The following KIAA1217 variants were observed in gnomAD, a reference collection of about 807,000 sequenced individuals.
KIAA1217 encodes sickle tail protein homolog.
Under a neutral mutation model 163.9 loss-of-function variants are expected in KIAA1217, and 88 were observed. That is an observed-to-expected ratio of 0.54 (90% CI 0.45 to 0.64). KIAA1217 has a LOEUF of 0.64. Ranked by LOEUF, KIAA1217 falls within the 30% of genes least tolerant of loss-of-function variation. The pLI, the probability that KIAA1217 is intolerant of heterozygous loss-of-function variation, is 0.00. For synonymous variants in KIAA1217, 903 were observed against 923.1 expected (o/e 0.98, Z 0.39); for missense variants, 2,372 against 2,475.0 (o/e 0.96, Z 0.88).
Position 23,749,687 on chromosome 10 carries a change from G to A in KIAA1217, c.-321+54453G>A, listed in dbSNP as rs548261192. Among the ~76,000 whole-genome samples the A allele has an allele frequency of 1.6e-4, 24 of 152,322 alleles. No homozygotes were observed. In the East Asian group the frequency reaches 4.4e-3, roughly 28 times the overall value. ...CCCGAAGTGCTGGGATTATAGGCGT[G>A]AGCCACCTCGCCCGGCATTTTGATC... On this transcript the variant is annotated intron_variant, in intron 1 of 18. Transcript: ENST00000376462.
At chr10:24,463,728 G>T (rs1411887082) in intron 5 of KIAA1217, among the ~76,000 whole-genome samples, 1 of 152,224 alleles carries the variant, frequency 6.6e-6, no homozygotes, top group Non-Finnish European at 1.5e-5. Context: ...GGCCTTGCCA[G>T]AGCATAAAAA....
intron 1 of KIAA1217, among the ~76,000 whole-genome samples, chr10:23,801,466 C>A (rs10828551): frequency 0.18 from 27,838 of 152,064 alleles, 2,689 homozygotes; most frequent in Middle Eastern, 0.27. Context: ...CCCAGAACTT[C>A]AAGTATAATC....
intron 2 of KIAA1217, among the ~76,000 whole-genome samples, chr10:24,296,958 A>G (rs1322704092): frequency 5.3e-5 from 8 of 152,200 alleles, no homozygotes; most frequent in African/African-American, 1.4e-4. Flanking sequence ...GTCGCTGTCA[A>G]AAGCTGAGTA....
intron 1 of KIAA1217, among the ~76,000 whole-genome samples, chr10:23,730,134 C>G (rs1012600783): frequency 6.6e-6 from 1 of 152,178 alleles, no homozygotes; most frequent in Non-Finnish European, 1.5e-5. Context: ...ATCTCCTGAC[C>G]TCGTGATCTG....
chr10:24,196,931 A>C (rs1184220504), intron 2 of KIAA1217, among the ~76,000 whole-genome samples: 1 of 151,992 alleles, frequency 6.6e-6, no homozygotes, highest in Non-Finnish European at 1.5e-5. Flanking sequence ...CTTTATTTAC[A>C]CTCATTTACC....
At chr10:24,232,859 T>G (rs1030920127) in intron 2 of KIAA1217, among the ~76,000 whole-genome samples, 1 of 125,904 alleles carries the variant, frequency 7.9e-6, no homozygotes, top group Non-Finnish European at 1.6e-5. Context: ...AGTGGCTCAT[T>G]AATCCCAGCA....
chr10:24,339,522 A>T (rs1209622623), intron 2 of KIAA1217, among the ~76,000 whole-genome samples: 1 of 152,240 alleles, frequency 6.6e-6, no homozygotes, highest in East Asian at 1.9e-4. Flanking sequence ...GAAGCCAGTA[A>T]GTTCAAGGGT....
intron 3 of KIAA1217, among the ~76,000 whole-genome samples, chr10:24,403,648 T>C (rs559003674): frequency 6.6e-6 from 1 of 152,198 alleles, no homozygotes; most frequent in African/African-American, 2.4e-5. Context: ...CTCTTAAAAC[T>C]CAATAGTGAA....
At chr10:24,425,945 A>G (rs1210990094) in intron 3 of KIAA1217, among the ~76,000 whole-genome samples, 1 of 152,176 alleles carries the variant, frequency 6.6e-6, no homozygotes, top group Non-Finnish European at 1.5e-5. Context: ...TGCTATTTTA[A>G]TTTTAATATT....
intron 1 of KIAA1217, among the ~76,000 whole-genome samples, chr10:23,736,238 A>C (rs1321109627): frequency 1.3e-5 from 2 of 152,080 alleles, no homozygotes; most frequent in Non-Finnish European, 2.9e-5. Context: ...TTAGGTTTTG[A>C]CCTTTTGCTC....
Position 23,995,111 on chromosome 10 carries a change from A to T in KIAA1217, c.-320-12114A>T, listed in dbSNP as rs553388114. 2.2e-4 allele frequency among the ~76,000 whole-genome samples: 34 copies of T among 152,316 alleles called. No homozygotes were observed. In the South Asian group the frequency reaches 6.2e-3, roughly 28 times the overall value. On this transcript the variant is annotated intron_variant, in intron 1 of 18. Transcript: ENST00000376462. ...TAGCAGAGAACAGATTCACACTCAGATTCATTTTTGTTTAGCACTTGCCGT... is the reference window on the plus strand; with the variant it reads ...TAGCAGAGAACAGATTCACACTCAGTTTCATTTTTGTTTAGCACTTGCCGT...
chr10:24,494,569 AGG>A lies in KIAA1217; in HGVS notation c.1751_1752del (p.Gly584AlafsTer6). The A allele has an allele frequency of 6.2e-7, 1 of 1,613,998 alleles. No individual in the cohort carries two copies. Among genetic ancestry groups the A allele is most frequent in the Non-Finnish European group, 8.5e-7 (1 of 1,179,880 alleles). On this transcript the variant is annotated frameshift_variant, in exon 7 of 21. Transcript: ENST00000376454. LOFTEE classifies it high-confidence loss of function. Reference protein sequence around the residue: ...TGLVQSALFKGPITSYSKDAS... With the variant: ...TGLVQSALFKXPITSYSKDAS... ...GCCTTGTTCAGTCTGCGCTTTTTAA[AGG>A]GCCCATTACAAGTTATAGCAAAGAT... is the stretch of plus-strand genomic sequence containing the variant.
intron 1 of KIAA1217, among the ~76,000 whole-genome samples, chr10:23,852,920 C>T (rs1403457519): frequency 6.6e-6 from 1 of 152,182 alleles, no homozygotes; most frequent in Non-Finnish European, 1.5e-5. Context: ...TGGGCTGAGA[C>T]AATGGGGTTT....
At chr10:24,521,639 C>T (rs2071302343) in intron 11 of KIAA1217, 143 bp from the exon 12 acceptor site, 15 of 958,174 alleles carry the variant, frequency 1.6e-5, no homozygotes, top group South Asian at 4.7e-5. Context: ...CCTCTGTGCT[C>T]TTAACCCACT....
intron 1 of KIAA1217, among the ~76,000 whole-genome samples, chr10:23,892,169 C>T (rs1167434546): frequency 1.3e-5 from 2 of 151,664 alleles, no homozygotes; most frequent in Non-Finnish European, 2.9e-5. Flanking sequence ...TCTTACATTT[C>T]AACAAACCAT....
At chr10:23,809,989 A>G (rs901022108) in intron 1 of KIAA1217, among the ~76,000 whole-genome samples, 17 of 152,130 alleles carry the variant, frequency 1.1e-4, no homozygotes, top group Middle Eastern at 3.4e-3. Flanking sequence ...AATAAATTAC[A>G]TGAGATATTC....
intron 1 of KIAA1217, among the ~76,000 whole-genome samples, chr10:23,908,541 T>C (rs1299301982): frequency 6.6e-6 from 1 of 152,074 alleles, no homozygotes; most frequent in Non-Finnish European, 1.5e-5. Flanking sequence ...TGGTACCCTC[T>C]CTGGGTGACT....
chr10:24,051,636 A>G (rs1244186667), intron 2 of KIAA1217, among the ~76,000 whole-genome samples: 1 of 152,024 alleles, frequency 6.6e-6, no homozygotes, highest in African/African-American at 2.4e-5. Context: ...CTTTATTTTT[A>G]AATTGTGGCC....
intron 10 of KIAA1217, 138 bp from the exon 11 acceptor site, chr10:24,519,982 TCCA>T (rs1369126721): frequency 6.9e-5 from 63 of 910,048 alleles, no homozygotes; most frequent in South Asian, 8.7e-5. Context: ...GCGACCCCCC[TCCA>T]CCACCACCAC....
Sources: allele counts gnomAD v4.1 joint callset (sites outside exome capture counted in the v4.1 genomes callset), GRCh38; gene constraint gnomAD v4.1.1; transcripts MANE v1.5; gene names NCBI Gene and HGNC (gene_info 2026-07-23, HGNC 2026-07-21).